The following NPAS3 variants were observed in gnomAD, a reference collection of about 807,000 sequenced individuals.
NPAS3 encodes the protein neuronal PAS domain protein 3.
A neutral mutation model predicts 73.1 loss-of-function variants in NPAS3; 14 were observed. The ratio of observed to expected loss-of-function variants is 0.19; its 90% CI spans 0.13 to 0.30. NPAS3 has a LOEUF of 0.30. Ranked by LOEUF, NPAS3 falls within the 10% of genes least tolerant of loss-of-function variation. The probability of loss-of-function intolerance (pLI) is 1.00; values close to 1 mark genes in which losing one functional copy is unlikely to be tolerated. For missense variants in NPAS3, 1,096 were observed against 1,250.0 expected (o/e 0.88, Z 1.86); for synonymous variants, 620 against 541.5 (o/e 1.14, Z -2.01).
At chr14:33,706,167 C>T (rs2060650924) in intron 6 of NPAS3, among the ~76,000 whole-genome samples, 1 of 152,184 alleles carries the variant, frequency 6.6e-6, no homozygotes, top group Non-Finnish European at 1.5e-5. Flanking sequence ...CAGCCTCCTA[C>T]ATTTCTTTAT....
At chr14:33,433,635 C>T (rs1204670238) in intron 4 of NPAS3, among the ~76,000 whole-genome samples, 1 of 152,120 alleles carries the variant, frequency 6.6e-6, no homozygotes, top group African/African-American at 2.4e-5. Context: ...CAAGATAGGG[C>T]CTTGTACTCT....
chr14:33,319,128 G>GT (rs2043330837), intron 3 of NPAS3, among the ~76,000 whole-genome samples: 6 of 138,656 alleles, frequency 4.3e-5, no homozygotes, highest in African/African-American at 1.3e-4. Flanking sequence ...GGCCTCTCTA[G>GT]TTGGATAGTT....
intron 4 of NPAS3, among the ~76,000 whole-genome samples, chr14:33,500,367 G>T (rs549830449): frequency 1.3e-5 from 2 of 151,998 alleles, no homozygotes; most frequent in East Asian, 3.9e-4. Flanking sequence ...AGGTTTATAT[G>T]CTCCGAGGAA....
chr14:33,726,660 T>C (rs1285207750), intron 6 of NPAS3, among the ~76,000 whole-genome samples: 1 of 152,146 alleles, frequency 6.6e-6, no homozygotes, highest in African/African-American at 2.4e-5. Flanking sequence ...TGTATCTATT[T>C]TTGCTCCTCC....
intron 6 of NPAS3, among the ~76,000 whole-genome samples, chr14:33,703,168 T>C (rs185119480): frequency 6.6e-6 from 1 of 152,206 alleles, no homozygotes; most frequent in Admixed American, 6.5e-5. Context: ...AAAAGATACA[T>C]GTTCTAATGA....
chr14:33,578,610 GCTGA>G (rs1214998804), intron 5 of NPAS3, among the ~76,000 whole-genome samples: 6 of 152,156 alleles, frequency 3.9e-5, no homozygotes, highest in Non-Finnish European at 4.4e-5. Flanking sequence ...ACAAATATTT[GCTGA>G]CTGACTGAAT....
intron 1 of NPAS3, among the ~76,000 whole-genome samples, chr14:32,989,805 T>G (rs1356848430): frequency 6.6e-6 from 1 of 152,072 alleles, no homozygotes; most frequent in Non-Finnish European, 1.5e-5. Flanking sequence ...GCTAGTTAGA[T>G]TTGAATTTCA....
chr14:33,155,245 T>C (rs28367410), intron 2 of NPAS3, among the ~76,000 whole-genome samples: 2,482 of 152,298 alleles, frequency 0.016, 45 homozygotes, highest in African/African-American at 0.043. Flanking sequence ...GCTCAAGCTT[T>C]TGTGTTGATG....
chr14:33,345,269 T>TA (rs199664346), intron 3 of NPAS3, among the ~76,000 whole-genome samples: 3,157 of 152,334 alleles, frequency 0.021, 48 homozygotes, highest in South Asian at 0.048. Flanking sequence ...AAACTTGCCC[T>TA]AAAAGATATG....
intron 5 of NPAS3, among the ~76,000 whole-genome samples, chr14:33,665,610 A>T (rs2059430016): frequency 6.6e-6 from 1 of 152,206 alleles, no homozygotes; most frequent in African/African-American, 2.4e-5. Context: ...CTGTATCAAA[A>T]CATCTCATGT....
intron 4 of NPAS3, among the ~76,000 whole-genome samples, chr14:33,415,214 G>T (rs1334850460): frequency 1.3e-5 from 2 of 152,050 alleles, no homozygotes; most frequent in Non-Finnish European, 2.9e-5. Context: ...CCTATAAATG[G>T]AAGCTTTCTC....
chr14:33,422,832 A>G (rs2048410166), intron 4 of NPAS3, among the ~76,000 whole-genome samples: 1 of 152,022 alleles, frequency 6.6e-6, no homozygotes, highest in South Asian at 2.1e-4. Flanking sequence ...AAAGGAGCAC[A>G]TATTAGCTTA....
chr14:33,180,263 T>C (rs1449072441), intron 2 of NPAS3, among the ~76,000 whole-genome samples: 1 of 152,120 alleles, frequency 6.6e-6, no homozygotes, highest in Non-Finnish European at 1.5e-5. Flanking sequence ...CGTATCTCCA[T>C]TAAGAAGTCT....
At chr14:33,373,386 ATGTGTGTGTGTGTGTG>A (rs5807721) in intron 4 of NPAS3, among the ~76,000 whole-genome samples, 3 of 147,140 alleles carry the variant, frequency 2.0e-5, no homozygotes, top group Non-Finnish European at 4.5e-5. Context: ...ATTGAACTAT[ATGTGTGTGTGTGTGTG>A]TGTGTGTGTG....
intron 2 of NPAS3, among the ~76,000 whole-genome samples, chr14:33,123,526 C>G (rs1422811366): frequency 6.6e-6 from 1 of 152,018 alleles, no homozygotes; most frequent in Non-Finnish European, 1.5e-5. Context: ...GAAGGAGCAA[C>G]AACTCAAAAC....
intron 6 of NPAS3, among the ~76,000 whole-genome samples, chr14:33,695,303 A>G (rs903400312): frequency 1.3e-5 from 2 of 152,266 alleles, no homozygotes; most frequent in African/African-American, 4.8e-5. Flanking sequence ...CTCTACCAAC[A>G]CATGTCCACT....
chr14:33,334,131 CTTA>C (rs2044108383), intron 3 of NPAS3, among the ~76,000 whole-genome samples: 2 of 152,136 alleles, frequency 1.3e-5, no homozygotes, highest in South Asian at 2.1e-4. Context: ...TTCACTTTGT[CTTA>C]TTATTAGCAC....
chr14:33,215,475 C>G, intron 3 of NPAS3, 49 bp downstream of exon 3: 1 of 1,595,322 alleles, frequency 6.3e-7, no homozygotes, highest in Non-Finnish European at 8.6e-7. Flanking sequence ...CTGTAGGGGT[C>G]TGTAAGACAA....
rs1566538813 is a variant in NPAS3 at position 33,784,757 on chromosome 14, T to TTA, written c.1153+6186_1153+6187insAT. Among the ~76,000 whole-genome samples the TTA allele has an allele frequency of 4.2e-4, 34 of 81,142 alleles. 1 individual carries two copies. The highest frequency in any genetic ancestry group is 1.4e-3 in the East Asian group (4 of 2,870). 53.2% of individuals were successfully genotyped at this position (81,142 alleles called of 152,430 possible). A position where few individuals can be genotyped will look rare whatever the true frequency, so the allele number is the denominator to read the frequency against. On this transcript the variant is annotated intron_variant, in intron 9 of 11. Transcript: ENST00000356141. The stretch of plus-strand genomic sequence containing the variant: ...TATTTATTTATTTATTTTTTTTTTT[T>TTA]TTTTTTTTTTGAGACAGAGTTTCAC...
Sources: gnomAD v4.1 joint callset for allele counts (sites outside exome capture counted in the v4.1 genomes callset) on GRCh38, gnomAD v4.1.1 for gene constraint, MANE v1.5 for transcripts, NCBI Gene and HGNC (gene_info 2026-07-23, HGNC 2026-07-21) for gene names.